Variants in LRRC7 observed in about 807,000 individuals in gnomAD.
LRRC7 encodes leucine rich repeat containing 7.
A neutral mutation model predicts 175.7 loss-of-function variants in LRRC7; 23 were observed. The ratio of observed to expected loss-of-function variants is 0.13; its 90% CI spans 0.09 to 0.19. The LOEUF (loss-of-function observed/expected upper bound fraction) is 0.19. Among genes scored for constraint, LRRC7 ranks in the 10% least tolerant of loss-of-function variants. The pLI, the probability that LRRC7 is intolerant of heterozygous loss-of-function variation, is 1.00. For synonymous variants in LRRC7, 685 were observed against 680.9 expected, an observed-to-expected ratio of 1.01 and a Z score of -0.09; for missense variants, 1,354 against 1,904.7, an observed-to-expected ratio of 0.71 and a Z score of 5.38.
At chr1:69,608,913 CAT>C (rs1472639407) in intron 1 of LRRC7, among the ~76,000 whole-genome samples, 10 of 132,850 alleles carry the variant, frequency 7.5e-5, no homozygotes, top group African/African-American at 1.7e-4. Context: ...CACACACACA[CAT>C]ATATATAAAA....
chr1:69,862,522 C>A (rs12031885), intron 7 of LRRC7, among the ~76,000 whole-genome samples: 85,040 of 151,922 alleles, frequency 0.56, 23,937 homozygotes, highest in East Asian at 0.7. Flanking sequence ...CAGTCATGTT[C>A]CCTTCGAATG....
chr1:69,673,283 A>G (rs1659348123), intron 1 of LRRC7, among the ~76,000 whole-genome samples: 1 of 152,238 alleles, frequency 6.6e-6, no homozygotes, highest in African/African-American at 2.4e-5. Context: ...GACACCATCA[A>G]GAATGTCATG....
At chr1:70,003,790 A>G (rs1655748838) in intron 11 of LRRC7, among the ~76,000 whole-genome samples, 2 of 151,920 alleles carry the variant, frequency 1.3e-5, no homozygotes, top group Admixed American at 1.3e-4. Flanking sequence ...ATGTTTCCAT[A>G]TTTTTCATTA....
chr1:69,588,985 C>G (rs866371565), intron 1 of LRRC7, among the ~76,000 whole-genome samples: 2 of 131,070 alleles, frequency 1.5e-5, no homozygotes, highest in African/African-American at 5.4e-5. Context: ...CTGCTGGGGT[C>G]TGTGTGTGTG....
Position 69,907,869 on chromosome 1 carries a change from C to T in LRRC7, c.648-23638C>T, listed in dbSNP as rs556222061. 3.3e-3 allele frequency among the ~76,000 whole-genome samples: 501 copies of T among 152,028 alleles called. 1 individual carries two copies. Among genetic ancestry groups the T allele is most frequent in the African/African-American group, 0.011 (449 of 41,450 alleles). On this transcript the variant is annotated intron_variant, in intron 7 of 26. Transcript: ENST00000651989. ...TCCTCCTTGTACCTCTGGTAGAATTCGGCTGTGAATCCATCTGGTCCTGGA... is the reference window on the plus strand; with the variant it reads ...TCCTCCTTGTACCTCTGGTAGAATTTGGCTGTGAATCCATCTGGTCCTGGA...
intron 8 of LRRC7, among the ~76,000 whole-genome samples, chr1:69,941,422 T>A (rs1282704189): frequency 6.6e-6 from 1 of 151,802 alleles, no homozygotes; most frequent in Non-Finnish European, 1.5e-5. Context: ...CAAGGTAGAG[T>A]CAGGGAAAAC....
At chr1:70,118,351 A>T (rs1289881790) in intron 26 of LRRC7, among the ~76,000 whole-genome samples, 1 of 152,136 alleles carries the variant, frequency 6.6e-6, no homozygotes, top group Non-Finnish European at 1.5e-5. Context: ...TCAAAAAAAA[A>T]AAATGGAGAT....
At chr1:70,026,361 C>A (rs1658100789) in intron 17 of LRRC7, among the ~76,000 whole-genome samples, 1 of 151,954 alleles carries the variant, frequency 6.6e-6, no homozygotes, top group Non-Finnish European at 1.5e-5. Flanking sequence ...ATTTTTTTTA[C>A]TTCTAGCACT....
At chr1:69,701,978 C>T (rs187284410) in intron 2 of LRRC7, among the ~76,000 whole-genome samples, 8 of 152,272 alleles carry the variant, frequency 5.3e-5, no homozygotes, top group Admixed American at 2.6e-4. Context: ...AAAGTCTTTG[C>T]ATTAATAATT....
chr1:70,026,876 G>A (rs1354582869), intron 17 of LRRC7, among the ~76,000 whole-genome samples: 1 of 152,116 alleles, frequency 6.6e-6, no homozygotes, highest in East Asian at 1.9e-4. Context: ...AAGACAAAAT[G>A]TCGAGAAGAA....
chr1:70,119,999 C>A (rs555994133), intron 26 of LRRC7, among the ~76,000 whole-genome samples: 14 of 152,120 alleles, frequency 9.2e-5, no homozygotes, highest in Middle Eastern at 3.4e-3. Context: ...GTCAGTACAT[C>A]CCTCAAAGCT....
intron 1 of LRRC7, among the ~76,000 whole-genome samples, chr1:69,621,206 G>A (rs1171096034): frequency 2.0e-5 from 3 of 151,890 alleles, no homozygotes; most frequent in East Asian, 2.0e-4. Flanking sequence ...CACCATGCCC[G>A]GCTAATTTTT....
intron 7 of LRRC7, among the ~76,000 whole-genome samples, chr1:69,928,679 G>A (rs1163693245): frequency 6.6e-6 from 1 of 152,204 alleles, no homozygotes; most frequent in Non-Finnish European, 1.5e-5. Context: ...TATTAGGGTG[G>A]GAGTGACCCG....
intron 1 of LRRC7, among the ~76,000 whole-genome samples, chr1:69,578,002 C>G (rs1407617127): frequency 6.6e-6 from 1 of 151,924 alleles, no homozygotes; most frequent in Non-Finnish European, 1.5e-5. Context: ...TTGATTCTTC[C>G]TACCCTACAA....
chr1:70,011,719 A>G (rs974915180), intron 11 of LRRC7, 78 bp from the exon 12 acceptor site: 7 of 994,704 alleles, frequency 7.0e-6, no homozygotes, highest in Non-Finnish European at 9.2e-6. Context: ...GTTTTGGTGA[A>G]TTTTGGATAT....
At chr1:70,109,493 A>C (rs1369842966) in intron 26 of LRRC7, among the ~76,000 whole-genome samples, 1 of 152,224 alleles carries the variant, frequency 6.6e-6, no homozygotes, top group Non-Finnish European at 1.5e-5. Context: ...TGTAAATAGC[A>C]GTTGGTCTTT....
intron 5 of LRRC7, among the ~76,000 whole-genome samples, chr1:69,827,198 C>A (rs1469107646): frequency 6.6e-6 from 1 of 152,154 alleles, no homozygotes; most frequent in African/African-American, 2.4e-5. Context: ...GGACTACAGT[C>A]ATGTCCTTGA....
chr1:69,909,473 C>T (rs1390721022), intron 7 of LRRC7, among the ~76,000 whole-genome samples: 3 of 152,092 alleles, frequency 2.0e-5, no homozygotes, highest in East Asian at 1.9e-4. Flanking sequence ...CTGGGGGTGA[C>T]AAAATCTGCC....
chr1:69,765,816 T>C (rs910151733), intron 3 of LRRC7, among the ~76,000 whole-genome samples: 1 of 152,094 alleles, frequency 6.6e-6, no homozygotes, highest in African/African-American at 2.4e-5. Flanking sequence ...TTTTCAGACA[T>C]TCTATCTAGA....
Sources: gnomAD v4.1 joint callset for allele counts (sites outside exome capture counted in the v4.1 genomes callset) on GRCh38, gnomAD v4.1.1 for gene constraint, MANE v1.5 for transcripts, NCBI Gene and HGNC (gene_info 2026-07-23, HGNC 2026-07-21) for gene names.